MTAP: variants seen among roughly 807,000 people sequenced by gnomAD.
MTAP encodes the protein methylthioadenosine phosphorylase.
A neutral mutation model predicts 33.6 loss-of-function variants in MTAP; 33 were observed. The ratio of observed to expected loss-of-function variants is 0.98; its 90% CI spans 0.74 to 1.31. The LOEUF is 1.31. MTAP is among the 40% of genes most tolerant of loss of function. The probability of loss-of-function intolerance (pLI) is 0.00; values close to 1 mark genes in which losing one functional copy is unlikely to be tolerated. For synonymous variants in MTAP, 148 were observed against 125.7 expected (o/e 1.18, Z -1.19); for missense variants, 367 against 360.0 (o/e 1.02, Z -0.16).
In MTAP at chr9:21,891,346, T is replaced by C. The variant is rs115949255; in HGVS notation, c.147+36476T>C. 7.3e-3 allele frequency among the ~76,000 whole-genome samples: 1,105 copies of C among 152,166 alleles called. 13 individuals are homozygous for C. The highest frequency in any genetic ancestry group is 0.023 in the African/African-American group (971 of 41,502). ...AGAATCTGGATGGCAATGAATATCA[T>C]TGAGATTCAGGAGAAAGGTGATACC... On this transcript the variant is annotated intron_variant, in intron 1 of 1. Transcript: ENST00000577563.
chr9:21,844,845 C>A (rs963687265), intron 5 of MTAP, among the ~76,000 whole-genome samples: 1 of 152,110 alleles, frequency 6.6e-6, no homozygotes, highest in Admixed American at 6.5e-5. Context: ...TCCTGGCTAA[C>A]ACGGTGAAAC....
At chr9:21,857,202 G>C (rs746829432) in intron 6 of MTAP, among the ~76,000 whole-genome samples, 4 of 152,188 alleles carry the variant, frequency 2.6e-5, no homozygotes, top group Non-Finnish European at 5.9e-5. Context: ...AGGGAGGTCA[G>C]TGTCTATACA....
chr9:21,869,226 C>G (rs1825899178), downstream of MTAP, among the ~76,000 whole-genome samples: 1 of 152,142 alleles, frequency 6.6e-6, no homozygotes, highest in Non-Finnish European at 1.5e-5. Flanking sequence ...AATTCCTCTT[C>G]TCCAGTCTTT....
chr9:21,880,488 A>G (rs1415237117), intron 1 of MTAP, among the ~76,000 whole-genome samples: 1 of 152,146 alleles, frequency 6.6e-6, no homozygotes, highest in African/African-American at 2.4e-5. Flanking sequence ...ATAATCTTAT[A>G]CAGTATTTAC....
chr9:21,853,351 T>C (rs1825561962), intron 5 of MTAP, among the ~76,000 whole-genome samples: 1 of 152,216 alleles, frequency 6.6e-6, no homozygotes, highest in African/African-American at 2.4e-5. Context: ...CATATACTTT[T>C]TAGGGAAAAG....
At chr9:21,815,206 C>T (rs1385912291) in intron 1 of MTAP, among the ~76,000 whole-genome samples, 1 of 152,106 alleles carries the variant, frequency 6.6e-6, no homozygotes, top group East Asian at 1.9e-4. Flanking sequence ...AGGTGCCCTA[C>T]GTTTTGGTTA....
chr9:21,845,631 T>G (rs1226359818), intron 5 of MTAP, among the ~76,000 whole-genome samples: 1 of 152,146 alleles, frequency 6.6e-6, no homozygotes, highest in African/African-American at 2.4e-5. Flanking sequence ...CAATGCAGTT[T>G]CCTTCAGAGT....
chr9:21,934,487 A>C (rs1819010839), downstream of MTAP: 1 of 152,206 alleles, frequency 6.6e-6, no homozygotes, highest in African/African-American at 2.4e-5. This position sits in a 1 kb window ranked among gnomAD's most constrained non-coding sequence, Gnocchi z 5.0. Flanking sequence ...TCAACATTAA[A>C]TATAATACAT....
intron 1 of MTAP, among the ~76,000 whole-genome samples, chr9:21,885,814 GTGTGTGTA>G (rs1818099386): frequency 6.9e-6 from 1 of 145,526 alleles, no homozygotes; most frequent in African/African-American, 2.8e-5. Context: ...GTGTGTGTGT[GTGTGTGTA>G]TACAGATCAC....
intron 1 of MTAP, among the ~76,000 whole-genome samples, chr9:21,911,820 A>C (rs1041035575): frequency 2.7e-5 from 4 of 146,648 alleles, no homozygotes; most frequent in Non-Finnish European, 5.9e-5. Flanking sequence ...AAAACCCATC[A>C]AAAAAATCAA....
At chr9:21,880,829 T>C (rs906761769) in intron 1 of MTAP, among the ~76,000 whole-genome samples, 3 of 152,058 alleles carry the variant, frequency 2.0e-5, no homozygotes, top group African/African-American at 7.2e-5. Context: ...ATGTCAGTAC[T>C]ACCCAAAGTG....
chr9:21,806,743 G>A (rs2117907607), intron 1 of MTAP, among the ~76,000 whole-genome samples: 1 of 152,256 alleles, frequency 6.6e-6, no homozygotes, highest in East Asian at 1.9e-4. Flanking sequence ...ATCAGCCAAG[G>A]GCAGGTGGTA....
chr9:21,874,699 T>G (rs1280259436), intron 1 of MTAP, among the ~76,000 whole-genome samples: 1 of 151,846 alleles, frequency 6.6e-6, no homozygotes, highest in Non-Finnish European at 1.5e-5. Flanking sequence ...TTTTTCTTTT[T>G]TTTTTTTTTT....
At chr9:21,891,972 C>G (rs1031580395) in intron 1 of MTAP, among the ~76,000 whole-genome samples, 3 of 152,146 alleles carry the variant, frequency 2.0e-5, no homozygotes, top group Admixed American at 6.5e-5. Context: ...GGCCTATATT[C>G]AACATTCTTA....
chr9:21,806,761 C>T (rs1479071790), intron 1 of MTAP, among the ~76,000 whole-genome samples: 1 of 152,116 alleles, frequency 6.6e-6, no homozygotes, highest in East Asian at 1.9e-4. Context: ...GTATTCCTGA[C>T]AGAGGGCCAA....
At chr9:21,892,755 C>G (rs1818220433) in intron 1 of MTAP, 2 of 152,300 alleles carry the variant, frequency 1.3e-5, no homozygotes, top group South Asian at 4.2e-4. Context: ...AGGACCTAAA[C>G]TTGACACTTG....
Position 21,859,103 on chromosome 9 carries a change from C to A in MTAP, c.691-200C>A, listed in dbSNP as rs188271680. The A allele has an allele frequency of 1.4e-5, 8 of 558,416 alleles. No individual in the cohort carries two copies. In the East Asian group the frequency reaches 2.4e-4, roughly 17 times the overall value. 34.6% of individuals were successfully genotyped at this position (558,416 alleles called of 1,614,324 possible). The stretch of plus-strand genomic sequence containing the variant: ...TTTGTAAGATCACTAATCCTATCCA[C>A]GAGGACTCTGCCTTCATGACCTAAT... On this transcript the variant is annotated intron_variant, in intron 6 of 7. Transcript: ENST00000644715.
In MTAP at chr9:21,922,450, A is replaced by G. The variant is rs566263717; in HGVS notation, c.148-8558A>G. The stretch of plus-strand genomic sequence containing the variant: ...TTTACTTTCTTTCATTCCTGCTCTA[A>G]GAGTTTTTAATAAACTCTTACTTCT... On this transcript the variant is annotated intron_variant, in intron 1 of 1. Coordinates refer to the MTAP transcript ENST00000577563. The surrounding 1 kb of genome is among the most constrained non-coding windows in gnomAD (Gnocchi z 4.8). Among the ~76,000 whole-genome samples, 67 of 152,148 alleles carry G rather than the reference A, an allele frequency of 4.4e-4. No homozygotes were observed. Among genetic ancestry groups the G allele is most frequent in the Non-Finnish European group, 9.3e-4 (63 of 68,002 alleles).
chr9:21,843,288 T>C (rs1205840200), intron 5 of MTAP, among the ~76,000 whole-genome samples: 3 of 151,950 alleles, frequency 2.0e-5, no homozygotes, highest in Non-Finnish European at 2.9e-5. Context: ...GCCTAAGAAA[T>C]GACATAGATG....
Sources: gnomAD v4.1 joint callset for allele counts (sites outside exome capture counted in the v4.1 genomes callset) on GRCh38, gnomAD v4.1.1 for gene constraint, Gnocchi (gnomAD v3.1) non-coding constraint, MANE v1.5 for transcripts, NCBI Gene and HGNC (gene_info 2026-07-23, HGNC 2026-07-21) for gene names.